Variants in NFIB observed in about 807,000 individuals in gnomAD.
NFIB encodes nuclear factor I B, also known as nuclear factor 1 B-type.
A neutral mutation model predicts 61.5 loss-of-function variants in NFIB; 11 were observed. The ratio of observed to expected loss-of-function variants is 0.18; its 90% CI spans 0.11 to 0.30. The LOEUF is 0.30. Among genes scored for constraint, NFIB ranks in the 10% least tolerant of loss-of-function variants. NFIB has a pLI of 1.00. For synonymous variants in NFIB, 260 were observed against 216.5 expected (o/e 1.20, Z -1.76); for missense variants, 471 against 608.9 (o/e 0.77, Z 2.38).
At chr9:14,244,743 T>C (rs1189852681) in intron 2 of NFIB, among the ~76,000 whole-genome samples, 1 of 152,196 alleles carries the variant, frequency 6.6e-6, no homozygotes, top group Non-Finnish European at 1.5e-5. Context: ...ATGGGATATG[T>C]AGAAAAAACA....
intron 2 of NFIB, among the ~76,000 whole-genome samples, chr9:14,301,871 A>G (rs16931537): frequency 0.058 from 8,839 of 152,270 alleles, 596 homozygotes; most frequent in East Asian, 0.23. Context: ...TAGGAGCAAG[A>G]CATGCCAATA....
At chr9:14,283,740 A>G (rs1012475204) in intron 2 of NFIB, among the ~76,000 whole-genome samples, 7 of 152,246 alleles carry the variant, frequency 4.6e-5, no homozygotes, top group Admixed American at 1.3e-4. Flanking sequence ...GGCATCCAGG[A>G]ACACTCAAGA....
At chr9:14,259,057 G>A (rs546959358) in intron 2 of NFIB, among the ~76,000 whole-genome samples, 1 of 152,242 alleles carries the variant, frequency 6.6e-6, no homozygotes, top group South Asian at 2.1e-4. Flanking sequence ...TTTTGCCTTA[G>A]GACAAATCTG....
chr9:14,420,445 C>CAAAAAAAAAAAAA, the NFIB span, among the ~76,000 whole-genome samples: 72 of 42,426 alleles, frequency 1.7e-3, 5 homozygotes, highest in African/African-American at 6.7e-3. Flanking sequence ...GACTCCGTCT[C>CAAAAAAAAAAAAA]AAAAAAAAAA....
chr9:14,282,121 T>C (rs1233645034), intron 2 of NFIB, among the ~76,000 whole-genome samples: 1 of 152,222 alleles, frequency 6.6e-6, no homozygotes. Flanking sequence ...TGCTACTATA[T>C]AAATTGGATT....
chr9:14,451,666 T>C, the NFIB span, among the ~76,000 whole-genome samples: 1 of 152,344 alleles, frequency 6.6e-6, no homozygotes, highest in South Asian at 2.1e-4. Flanking sequence ...ATTTTAGAGC[T>C]TGCTTGTATA....
the NFIB span, among the ~76,000 whole-genome samples, chr9:14,478,931 A>G: frequency 6.6e-6 from 1 of 152,232 alleles, no homozygotes; most frequent in East Asian, 1.9e-4. Flanking sequence ...TCCCATCACC[A>G]GGGTGCACAC....
chr9:14,216,989 G>C (rs1041326619), intron 2 of NFIB, among the ~76,000 whole-genome samples: 1 of 152,160 alleles, frequency 6.6e-6, no homozygotes, highest in Non-Finnish European at 1.5e-5. Context: ...TTAGTAAATG[G>C]TGAATAATGT....
chr9:14,350,564 T>C (rs1479116208), intron 1 of NFIB, among the ~76,000 whole-genome samples: 1 of 152,090 alleles, frequency 6.6e-6, no homozygotes, highest in African/African-American at 2.4e-5. Context: ...CTGATACCGT[T>C]ATTCCAGATC....
chr9:14,511,245 T>C, the NFIB span, among the ~76,000 whole-genome samples: 1 of 152,110 alleles, frequency 6.6e-6, no homozygotes, highest in African/African-American at 2.4e-5. Context: ...TATGTATTCA[T>C]AGTTCGTTTA....
chr9:14,457,084 G>A, the NFIB span, among the ~76,000 whole-genome samples: 2 of 152,056 alleles, frequency 1.3e-5, no homozygotes, highest in Admixed American at 1.3e-4. Context: ...AAAGGCCAAG[G>A]GCAATGTGTA....
chr9:14,427,648 T>A, the NFIB span, among the ~76,000 whole-genome samples: 1 of 152,008 alleles, frequency 6.6e-6, no homozygotes, highest in African/African-American at 2.4e-5. Flanking sequence ...CTCTCCAGGG[T>A]GCTGAGGGGA....
At chr9:14,521,839 G>A in the NFIB span, among the ~76,000 whole-genome samples, 1 of 152,188 alleles carries the variant, frequency 6.6e-6, no homozygotes, top group Non-Finnish European at 1.5e-5. Flanking sequence ...TGGCCAAAAG[G>A]CTTTGAATGC....
chr9:14,380,598 C>G (rs557769141), intron 1 of NFIB, among the ~76,000 whole-genome samples: 1 of 152,142 alleles, frequency 6.6e-6, no homozygotes, highest in Admixed American at 6.5e-5. Context: ...TAACAAATTA[C>G]AGGAAGCAGC....
At chr9:14,333,524 G>A (rs914357876) in intron 1 of NFIB, among the ~76,000 whole-genome samples, 5 of 151,982 alleles carry the variant, frequency 3.3e-5, no homozygotes. Context: ...ACATATCATG[G>A]GCACCTTTAT....
chr9:14,388,598 A>G (rs1366490721), intron 1 of NFIB, among the ~76,000 whole-genome samples: 2 of 152,156 alleles, frequency 1.3e-5, no homozygotes, highest in African/African-American at 4.8e-5. Flanking sequence ...CCTTAAAACC[A>G]TCAAAAGTCT....
At chr9:14,417,130 A>T in the NFIB span, among the ~76,000 whole-genome samples, 3 of 151,470 alleles carry the variant, frequency 2.0e-5, no homozygotes, top group Non-Finnish European at 1.5e-5. Flanking sequence ...TGACCTCGTG[A>T]TCTGCCTGCC....
intron 10 of NFIB, among the ~76,000 whole-genome samples, chr9:14,098,076 C>T (rs139644951): frequency 2.8e-4 from 42 of 152,194 alleles, no homozygotes; most frequent in African/African-American, 8.4e-4. Context: ...ACATGTAACA[C>T]GGAAAATAGC....
At chr9:14,136,998 A>G (rs2041126398) in intron 6 of NFIB, among the ~76,000 whole-genome samples, 1 of 152,194 alleles carries the variant, frequency 6.6e-6, no homozygotes, top group Non-Finnish European at 1.5e-5. Flanking sequence ...CTATGATGGC[A>G]TATTTATTAT....
Sources: allele counts gnomAD v4.1 joint callset (sites outside exome capture counted in the v4.1 genomes callset), GRCh38; gene constraint gnomAD v4.1.1; transcripts MANE v1.5; gene names NCBI Gene and HGNC (gene_info 2026-07-23, HGNC 2026-07-21).